Variants in ITGB5 observed in about 807,000 individuals in gnomAD.
ITGB5 encodes the protein integrin subunit beta 5.
ITGB5 carries 38 observed loss-of-function variants against 84.8 expected under a neutral mutation model. The observed-to-expected ratio is 0.45, with a 90% CI of 0.35 to 0.59. The LOEUF is 0.59. Among genes scored for constraint, ITGB5 ranks in the 20% least tolerant of loss-of-function variants. The pLI, the probability that ITGB5 is intolerant of heterozygous loss-of-function variation, is 0.01. For missense variants in ITGB5, 905 were observed against 1,034.5 expected, an observed-to-expected ratio of 0.87 and a Z score of 1.72; for synonymous variants, 393 against 414.4, an observed-to-expected ratio of 0.95 and a Z score of 0.63.
intron 10 of ITGB5, among the ~76,000 whole-genome samples, chr3:124,777,212 C>T (rs1559927519): frequency 6.6e-6 from 1 of 152,148 alleles, no homozygotes; most frequent in African/African-American, 2.4e-5. Context: ...GACCCAAGGC[C>T]AGAGCTGCTG....
At chr3:124,813,547 T>C (rs1196910604) in intron 8 of ITGB5, among the ~76,000 whole-genome samples, 2 of 152,160 alleles carry the variant, frequency 1.3e-5, no homozygotes, top group East Asian at 3.9e-4. Flanking sequence ...TCTCCTTCTT[T>C]CATCAATTTG....
chr3:124,801,450 G>A (rs984719609), intron 9 of ITGB5, among the ~76,000 whole-genome samples: 1 of 152,108 alleles, frequency 6.6e-6, no homozygotes, highest in Non-Finnish European at 1.5e-5. Flanking sequence ...CTAGACATCT[G>A]TCTTGACCCA....
At chr3:124,890,546 G>T (rs966718347), upstream of ITGB5, among the ~76,000 whole-genome samples, 9 of 152,052 alleles carry the variant, frequency 5.9e-5, no homozygotes, top group Non-Finnish European at 1.2e-4. Flanking sequence ...GATCTTCTGC[G>T]TGTCACCTTC....
chr3:124,835,549 C>T (rs781575201), intron 5 of ITGB5, among the ~76,000 whole-genome samples: 4 of 152,210 alleles, frequency 2.6e-5, no homozygotes, highest in African/African-American at 7.2e-5. Flanking sequence ...GATCAAGCCC[C>T]GGAAACCTGT....
chr3:124,764,271 T>C, intron 14 of ITGB5, 120 bp downstream of exon 14: 6 of 1,034,068 alleles, frequency 5.8e-6, no homozygotes, highest in Non-Finnish European at 8.4e-6. Context: ...GTTTCTGGTG[T>C]TGATTCTTTT....
At chr3:124,887,899 A>C, upstream of ITGB5, 2 of 242,408 alleles carry the variant, frequency 8.3e-6, no homozygotes, top group East Asian at 1.3e-4. Context: ...CACAAGTAAA[A>C]CCTACATTTC....
intron 11 of ITGB5, among the ~76,000 whole-genome samples, chr3:124,771,748 C>CTAAAAAAAAAAAAA (rs2063847230): frequency 1.4e-5 from 1 of 69,156 alleles, no homozygotes; most frequent in African/African-American, 5.3e-5. Context: ...GACCCTGTCT[C>CTAAAAAAAAAAAAA]AAAAAAAAAA....
chr3:124,841,962 G>T (rs61760569), intron 4 of ITGB5, among the ~76,000 whole-genome samples: 2,716 of 152,316 alleles, frequency 0.018, 39 homozygotes, highest in Non-Finnish European at 0.031. Flanking sequence ...TGAGGGCAAT[G>T]TAAGTGCAGT....
At chr3:124,803,035 G>A (rs13314004) in intron 9 of ITGB5, among the ~76,000 whole-genome samples, 4,159 of 152,324 alleles carry the variant, frequency 0.027, 78 homozygotes, top group Non-Finnish European at 0.044. Flanking sequence ...CAAAGGTGCC[G>A]GCCTGAGCAG....
intron 8 of ITGB5, among the ~76,000 whole-genome samples, chr3:124,812,380 A>G (rs374599911): frequency 6.6e-6 from 1 of 152,322 alleles, no homozygotes; most frequent in Admixed American, 6.5e-5. Flanking sequence ...AATTGCTTTA[A>G]GTCGGGCCAG....
At chr3:124,806,424 ATTTTTTTTTTTT>A (rs71145488) in intron 9 of ITGB5, among the ~76,000 whole-genome samples, 7 of 72,774 alleles carry the variant, frequency 9.6e-5, no homozygotes, top group African/African-American at 2.6e-4. Flanking sequence ...GCCTCATTCC[ATTTTTTTTTTTT>A]TTTTTTTTTT....
intron 8 of ITGB5, among the ~76,000 whole-genome samples, chr3:124,811,296 T>C (rs2064497822): frequency 6.6e-6 from 1 of 152,162 alleles, no homozygotes; most frequent in Non-Finnish European, 1.5e-5. Context: ...AATAAACGCA[T>C]GGATGGGTAG....
At chr3:124,852,070 C>T (rs2065164384) in intron 3 of ITGB5, among the ~76,000 whole-genome samples, 1 of 152,214 alleles carries the variant, frequency 6.6e-6, no homozygotes, top group South Asian at 2.1e-4. Flanking sequence ...TCCCTTCCAA[C>T]TCCTTCCCGG....
chr3:124,773,602 G>A, intron 11 of ITGB5, 88 bp downstream of exon 11: 2 of 1,220,286 alleles, frequency 1.6e-6, no homozygotes, highest in Non-Finnish European at 2.4e-6. Flanking sequence ...GTGAGGAGTG[G>A]AGGCTAGCCG....
At chr3:124,827,859 C>T (rs1052145979) in intron 5 of ITGB5, among the ~76,000 whole-genome samples, 1 of 152,172 alleles carries the variant, frequency 6.6e-6, no homozygotes, top group African/African-American at 2.4e-5. Context: ...CTTCTCCTCG[C>T]TCATCCTGGC....
chr3:124,773,024 GC>G (rs1219565063), intron 11 of ITGB5, among the ~76,000 whole-genome samples: 1 of 149,564 alleles, frequency 6.7e-6, no homozygotes, highest in Non-Finnish European at 1.5e-5. Flanking sequence ...TCCTGCCTCA[GC>G]CTCCGGAGCA....
chr3:124,767,070 C>T (rs1291754586), intron 12 of ITGB5, among the ~76,000 whole-genome samples: 1 of 152,232 alleles, frequency 6.6e-6, no homozygotes, highest in Non-Finnish European at 1.5e-5. Flanking sequence ...GCATTACCTA[C>T]ATTCCAAGGC....
intron 5 of ITGB5, among the ~76,000 whole-genome samples, chr3:124,837,156 T>G (rs1176158601): frequency 6.6e-6 from 1 of 152,168 alleles, no homozygotes; most frequent in Non-Finnish European, 1.5e-5. Context: ...AACTGACAAC[T>G]TGGGACCCAG....
At chr3:124,885,142 C>T (rs555963909) in intron 1 of ITGB5, among the ~76,000 whole-genome samples, 4 of 152,104 alleles carry the variant, frequency 2.6e-5, no homozygotes, top group Non-Finnish European at 5.9e-5. Context: ...ATGGTCGCAG[C>T]GCCTGTAATC....
Sources: gnomAD v4.1 joint callset for allele counts (sites outside exome capture counted in the v4.1 genomes callset) on GRCh38, gnomAD v4.1.1 for gene constraint, MANE v1.5 for transcripts, NCBI Gene and HGNC (gene_info 2026-07-23, HGNC 2026-07-21) for gene names.